Variants in MECOM observed in about 807,000 individuals in gnomAD.
The protein encoded by MECOM is histone-lysine N-methyltransferase MECOM.
Under a neutral mutation model 116.3 loss-of-function variants are expected in MECOM, and 13 were observed. The ratio of observed to expected loss-of-function variants is 0.11; its 90% confidence interval spans 0.07 to 0.18. The LOEUF (loss-of-function observed/expected upper bound fraction) is 0.18, where lower values mean the gene tolerates loss of function less well. Among genes scored for constraint, MECOM ranks in the 10% least tolerant of loss-of-function variants. The pLI is 1.00. For missense variants in MECOM, 1,299 were observed against 1,509.0 expected (o/e 0.86, Z 2.31); for synonymous variants, 528 against 535.2 (o/e 0.99, Z 0.19).
intron 2 of MECOM, among the ~76,000 whole-genome samples, chr3:169,160,440 A>T (rs910605665): frequency 6.6e-6 from 1 of 151,348 alleles, no homozygotes; most frequent in Non-Finnish European, 1.5e-5. Context: ...AATGAATAAG[A>T]TCTAGTACTT....
At chr3:169,382,424 C>T (rs898294520) in intron 1 of MECOM, among the ~76,000 whole-genome samples, 1 of 151,996 alleles carries the variant, frequency 6.6e-6, no homozygotes, top group Non-Finnish European at 1.5e-5. Flanking sequence ...CTGAGGACCC[C>T]CAAGGCAGCA....
chr3:169,487,118 T>C (rs964665453), intron 1 of MECOM, among the ~76,000 whole-genome samples: 13 of 152,014 alleles, frequency 8.6e-5, no homozygotes, highest in African/African-American at 2.2e-4. Flanking sequence ...AAAATAAAGA[T>C]ATTTTCAGAC....
chr3:169,662,209 G>T (rs1423075023), intron 1 of MECOM, among the ~76,000 whole-genome samples: 2 of 152,174 alleles, frequency 1.3e-5, no homozygotes, highest in East Asian at 1.9e-4. Context: ...CCCACATCCC[G>T]CCAGACCAAG....
intron 1 of MECOM, among the ~76,000 whole-genome samples, chr3:169,454,168 C>A (rs965344860): frequency 6.6e-6 from 1 of 152,132 alleles, no homozygotes; most frequent in Non-Finnish European, 1.5e-5. Flanking sequence ...AATTAAAGGG[C>A]TTGTGCATCA....
At chr3:169,421,424 G>A (rs1739711426) in intron 1 of MECOM, among the ~76,000 whole-genome samples, 1 of 152,028 alleles carries the variant, frequency 6.6e-6, no homozygotes. Context: ...TTCTCCCCAT[G>A]AGGCCCATTG....
chr3:169,296,017 T>C (rs1431007675), intron 2 of MECOM, among the ~76,000 whole-genome samples: 2 of 152,202 alleles, frequency 1.3e-5, no homozygotes, highest in African/African-American at 2.4e-5. Context: ...GATTCAACCA[T>C]AGTCTGTTCA....
At chr3:169,148,035 A>G (rs1326808688) in intron 2 of MECOM, among the ~76,000 whole-genome samples, 1 of 152,162 alleles carries the variant, frequency 6.6e-6, no homozygotes, top group African/African-American at 2.4e-5. Context: ...AATTTTTTTA[A>G]TTGAAACTCA....
intron 2 of MECOM, among the ~76,000 whole-genome samples, chr3:169,279,468 G>C (rs1006013243): frequency 6.6e-6 from 1 of 152,168 alleles, no homozygotes; most frequent in Non-Finnish European, 1.5e-5. Flanking sequence ...GAGGGAAAGC[G>C]GGTAAGTAGG....
chr3:169,580,811 A>G (rs1342421708), intron 1 of MECOM, among the ~76,000 whole-genome samples: 2 of 152,176 alleles, frequency 1.3e-5, no homozygotes, highest in Non-Finnish European at 2.9e-5. Context: ...ACATTTTGAG[A>G]TTTCCTGTTG....
At chr3:169,386,341 T>C (rs1320102465) in intron 1 of MECOM, among the ~76,000 whole-genome samples, 1 of 152,176 alleles carries the variant, frequency 6.6e-6, no homozygotes, top group Admixed American at 6.5e-5. Flanking sequence ...ATTTTCCAGA[T>C]GTAGGACCTG....
intron 1 of MECOM, among the ~76,000 whole-genome samples, chr3:169,540,208 T>C (rs1428589264): frequency 6.6e-6 from 1 of 152,094 alleles, no homozygotes; most frequent in East Asian, 1.9e-4. Flanking sequence ...TTTCTCCAAT[T>C]CCTCTTCTGC....
intron 2 of MECOM, among the ~76,000 whole-genome samples, chr3:169,194,816 C>A (rs992503332): frequency 6.6e-6 from 1 of 152,068 alleles, no homozygotes; most frequent in Non-Finnish European, 1.5e-5. Context: ...ACTGAAGCTG[C>A]TTAAGTGGCT....
At chr3:169,167,509 C>T (rs112109757) in intron 2 of MECOM, among the ~76,000 whole-genome samples, 4 of 152,010 alleles carry the variant, frequency 2.6e-5, no homozygotes, top group Non-Finnish European at 5.9e-5. Flanking sequence ...ATCTACCATG[C>T]GGTTCTACAC....
chr3:169,166,281 A>G (rs1198378325), intron 2 of MECOM, among the ~76,000 whole-genome samples: 2 of 152,192 alleles, frequency 1.3e-5, no homozygotes, highest in South Asian at 2.1e-4. Context: ...TAATAACAGC[A>G]TGGTAGGGAA....
chr3:169,406,138 C>A (rs1736657731), intron 1 of MECOM, among the ~76,000 whole-genome samples: 1 of 152,128 alleles, frequency 6.6e-6, no homozygotes, highest in Admixed American at 6.5e-5. Context: ...CTTTAAAAAC[C>A]ATAACATTTT....
intron 1 of MECOM, among the ~76,000 whole-genome samples, chr3:169,395,355 T>C (rs539772981): frequency 6.6e-6 from 1 of 152,338 alleles, no homozygotes; most frequent in East Asian, 1.9e-4. Flanking sequence ...GGTACCTTTT[T>C]CTCCTTCTCT....
At chr3:169,196,227 A>G (rs1162050215) in intron 2 of MECOM, among the ~76,000 whole-genome samples, 1 of 152,012 alleles carries the variant, frequency 6.6e-6, no homozygotes, top group Non-Finnish European at 1.5e-5. Flanking sequence ...TTTTATATCT[A>G]TATCTCACTT....
At chr3:169,420,523 A>G (rs902406081) in intron 1 of MECOM, among the ~76,000 whole-genome samples, 9 of 152,164 alleles carry the variant, frequency 5.9e-5, no homozygotes, top group Non-Finnish European at 1.2e-4. Context: ...TTTTATCTGA[A>G]CAATGAGGCA....
intron 1 of MECOM, among the ~76,000 whole-genome samples, chr3:169,557,330 A>G (rs1243689109): frequency 1.3e-5 from 2 of 152,192 alleles, no homozygotes; most frequent in African/African-American, 4.8e-5. Context: ...AAAAGGAAAA[A>G]AAAGGGAACT....
Sources: gnomAD v4.1 joint callset for allele counts (sites outside exome capture counted in the v4.1 genomes callset) on GRCh38, gnomAD v4.1.1 for gene constraint, MANE v1.5 for transcripts, NCBI Gene and HGNC (gene_info 2026-07-23, HGNC 2026-07-21) for gene names.